PRSS23: variants seen among roughly 807,000 people sequenced by gnomAD.
PRSS23 encodes the protein serine protease 23, also known as protease, serine 23.
In PRSS23, 25 loss-of-function variants were observed where a neutral mutation model predicts 34.7. The ratio of observed to expected loss-of-function variants is 0.72; its 90% CI spans 0.53 to 1.01. PRSS23 has a LOEUF of 1.01. PRSS23 is among the 50% of genes least tolerant of loss of function. The probability of loss-of-function intolerance (pLI) is 0.00; values close to 1 mark genes in which losing one functional copy is unlikely to be tolerated. For synonymous variants in PRSS23, 176 were observed against 186.6 expected (o/e 0.94, Z 0.46); for missense variants, 445 against 475.6 (o/e 0.94, Z 0.60).
At chr11:86,888,550 G>A (rs935733542) in intron 2 of PRSS23, among the ~76,000 whole-genome samples, 8 of 152,204 alleles carry the variant, frequency 5.3e-5, no homozygotes, top group Non-Finnish European at 1.0e-4. Context: ...TGTGTATGGG[G>A]AAGGCAGCCT....
chr11:86,823,830 C>A (rs1481466222), intron 2 of PRSS23, among the ~76,000 whole-genome samples: 1 of 150,902 alleles, frequency 6.6e-6, no homozygotes, highest in Non-Finnish European at 1.5e-5. Context: ...CACGGTGAAA[C>A]CCCGTCTCTA....
At chr11:86,948,560 C>T (rs1949263593) in intron 2 of PRSS23, 1 of 152,104 alleles carries the variant, frequency 6.6e-6, no homozygotes, top group Non-Finnish European at 1.5e-5. Flanking sequence ...GGCTACTAAT[C>T]CAAATGGCCA....
At chr11:86,918,420 GAAAGA>G (rs1479941802) in intron 2 of PRSS23, among the ~76,000 whole-genome samples, 3 of 152,292 alleles carry the variant, frequency 2.0e-5, no homozygotes, top group South Asian at 4.1e-4. Flanking sequence ...CAGAAAGAAA[GAAAGA>G]AGTCTTCTCC....
chr11:86,890,942 GAAC>G (rs1186387601), intron 2 of PRSS23, among the ~76,000 whole-genome samples: 2 of 152,182 alleles, frequency 1.3e-5, no homozygotes, highest in Non-Finnish European at 2.9e-5. Flanking sequence ...TCAGGGTTCA[GAAC>G]AACAACCAGT....
chr11:86,951,105 C>A (rs377431110), intron 2 of PRSS23: 2 of 1,606,324 alleles, frequency 1.2e-6, no homozygotes, highest in Non-Finnish European at 1.7e-6. Flanking sequence ...TGGCATTCCC[C>A]CCTTCAAAAT....
intron 2 of PRSS23, among the ~76,000 whole-genome samples, chr11:86,864,289 G>A (rs149509126): frequency 3.9e-5 from 6 of 152,330 alleles, no homozygotes; most frequent in Admixed American, 3.9e-4. Flanking sequence ...CAGAAAGGCA[G>A]GGGGTAGTCG....
At chr11:86,942,654 A>G (rs528818984) in intron 2 of PRSS23, among the ~76,000 whole-genome samples, 1 of 152,334 alleles carries the variant, frequency 6.6e-6, no homozygotes, top group South Asian at 2.1e-4. Context: ...GGAATTTGAG[A>G]AGTTGGAATC....
chr11:86,891,319 C>A (rs1378306434), intron 2 of PRSS23, among the ~76,000 whole-genome samples: 2 of 152,204 alleles, frequency 1.3e-5, no homozygotes, highest in African/African-American at 4.8e-5. Context: ...TTATTGCCCC[C>A]TCAGTAATGC....
intron 2 of PRSS23, among the ~76,000 whole-genome samples, chr11:86,942,873 G>C (rs1018245371): frequency 1.3e-5 from 2 of 152,178 alleles, no homozygotes. Context: ...CATTGTGAAG[G>C]AAAATGAAGG....
At chr11:86,939,108 A>C (rs1182836758) in intron 2 of PRSS23, 3 of 408,978 alleles carry the variant, frequency 7.3e-6, no homozygotes, top group Non-Finnish European at 1.4e-5. Flanking sequence ...TCAAGAGAAG[A>C]GAACATCGCC....
intron 2 of PRSS23, among the ~76,000 whole-genome samples, chr11:86,882,014 ATGTT>A (rs1390958141): frequency 6.6e-6 from 1 of 152,124 alleles, no homozygotes; most frequent in Non-Finnish European, 1.5e-5. Flanking sequence ...GCCCACTTAA[ATGTT>A]TGTCAATTTG....
At chr11:86,911,959 CA>C (rs1262891810) in intron 2 of PRSS23, 1 of 152,102 alleles carries the variant, frequency 6.6e-6, no homozygotes, top group Non-Finnish European at 1.5e-5. Context: ...TTTATTTTTG[CA>C]GAGACAGGGT....
chr11:86,901,291 A>G (rs1948910715), intron 2 of PRSS23, among the ~76,000 whole-genome samples: 1 of 152,182 alleles, frequency 6.6e-6, no homozygotes, highest in African/African-American at 2.4e-5. Context: ...TCTACATTAT[A>G]TACCAAGAAC....
At chr11:86,828,106 C>G (rs1395216475) in intron 2 of PRSS23, among the ~76,000 whole-genome samples, 1 of 152,062 alleles carries the variant, frequency 6.6e-6, no homozygotes, top group Non-Finnish European at 1.5e-5. Context: ...TTAAAGTCTC[C>G]CATTATTATT....
chr11:86,812,609 G>A (rs779257469), downstream of PRSS23, among the ~76,000 whole-genome samples: 17 of 151,518 alleles, frequency 1.1e-4, no homozygotes, highest in Admixed American at 8.5e-4. Flanking sequence ...CTAACATGCT[G>A]AAACCCCGTC....
chr11:86,899,777 A>G lies in PRSS23; in HGVS notation c.207-51439A>G, dbSNP rs569682090. On this transcript the variant is annotated intron_variant, in intron 2 of 2. Transcript: ENST00000533902. The stretch of plus-strand genomic sequence containing the variant: ...GTGATCCACCTGCCTCGGCCTCCCA[A>G]AGTGCTGGGATTACAGGCATGAGCC... Among the ~76,000 whole-genome samples the G allele has an allele frequency of 1.9e-4, 29 of 151,972 alleles. No homozygotes were observed. The East Asian group carries it at 5.2e-3, about 27-fold the overall frequency.
intron 2 of PRSS23, among the ~76,000 whole-genome samples, chr11:86,919,559 T>A (rs1221412491): frequency 1.3e-5 from 2 of 152,234 alleles, no homozygotes; most frequent in African/African-American, 4.8e-5. Flanking sequence ...AAATGCCATC[T>A]CATAGGAGCA....
intron 2 of PRSS23, among the ~76,000 whole-genome samples, chr11:86,873,494 G>A (rs1948701752): frequency 6.6e-6 from 1 of 151,658 alleles, no homozygotes; most frequent in Non-Finnish European, 1.5e-5. Flanking sequence ...TGTTGGCCAG[G>A]CTGGTCTCGA....
chr11:86,800,936 T>G (rs904780436), intron 1 of PRSS23, among the ~76,000 whole-genome samples: 12 of 151,958 alleles, frequency 7.9e-5, no homozygotes, highest in Non-Finnish European at 1.3e-4. Context: ...AGGATGTTGG[T>G]TGGGAAGCAG....
Sources: gnomAD v4.1 joint callset for allele counts (sites outside exome capture counted in the v4.1 genomes callset) on GRCh38, gnomAD v4.1.1 for gene constraint, MANE v1.5 for transcripts, NCBI Gene and HGNC (gene_info 2026-07-23, HGNC 2026-07-21) for gene names.